The following TET1 variants were observed in gnomAD, a reference collection of about 807,000 sequenced individuals.
TET1 encodes methylcytosine dioxygenase TET1.
In TET1, 13 loss-of-function variants were observed where a neutral mutation model predicts 148.7. That is an observed-to-expected ratio of 0.09 (90% CI 0.06 to 0.14). The LOEUF is 0.14. Ranked by LOEUF, TET1 falls within the 10% of genes least tolerant of loss-of-function variation. The pLI, the probability that TET1 is intolerant of heterozygous loss-of-function variation, is 1.00. For missense variants in TET1, 2,182 were observed against 2,553.8 expected (o/e 0.85, Z 3.14); for synonymous variants, 907 against 937.2 (o/e 0.97, Z 0.59).
At chr10:68,656,048 A>T (rs2055016124) in intron 6 of TET1, among the ~76,000 whole-genome samples, 1 of 152,116 alleles carries the variant, frequency 6.6e-6, no homozygotes, top group African/African-American at 2.4e-5. Context: ...TGAGAATCTG[A>T]TGCTTGATGA....
chr10:68,564,158 T>C (rs1249579677), intron 1 of TET1, among the ~76,000 whole-genome samples: 307 of 149,712 alleles, frequency 2.1e-3, no homozygotes, highest in Non-Finnish European at 2.4e-3. Flanking sequence ...ATTGTTTTCT[T>C]TTTTTTTTTT....
chr10:68,684,825 T>G (rs768969469), intron 10 of TET1, among the ~76,000 whole-genome samples: 1 of 152,238 alleles, frequency 6.6e-6, no homozygotes, highest in Non-Finnish European at 1.5e-5. Flanking sequence ...ATGCTCCTCA[T>G]GTCAACTCCT....
At chr10:68,675,269 A>G (rs1282649471) in intron 8 of TET1, among the ~76,000 whole-genome samples, 2 of 152,232 alleles carry the variant, frequency 1.3e-5, no homozygotes, top group African/African-American at 4.8e-5. Flanking sequence ...AAATAAACTC[A>G]TACTTACTTG....
At chr10:68,595,973 CACACATAT>C (rs2053979446) in intron 2 of TET1, among the ~76,000 whole-genome samples, 2 of 39,722 alleles carry the variant, frequency 5.0e-5, no homozygotes, top group African/African-American at 8.1e-5. Flanking sequence ...CACACACACA[CACACATAT>C]ATACACACAC....
At position 68,573,108 on chromosome 10, in the gene TET1, C is replaced by T. The variant is rs140030732; in HGVS notation, c.770C>T (p.Thr257Ile). The T allele has an allele frequency of 4.2e-4, 684 of 1,614,116 alleles. 2 individuals carry two copies. Among genetic ancestry groups the T allele is most frequent in the Middle Eastern group, 9.9e-4 (6 of 6,062 alleles). ...TGTGCTCCTTTTCCCCAAAGAGCAA[C>T]CCCCAAAGTTACCTCTCAAGGAAAC... ...TVCAPFPQRA[T>I]PKVTSQGNPS... The change falls in exon 2 of 12, where the codon ACC becomes ATC. Residue 257 changes from threonine to isoleucine, a missense_variant. By Grantham distance (89) the Thr-to-Ile change is moderately conservative. This residue lies in a region of TET1 where 665 missense variants were observed against 672.4 expected (regional missense o/e 0.99). Transcript: ENST00000373644.
chr10:68,662,321 T>C (rs2055132924), intron 6 of TET1, among the ~76,000 whole-genome samples: 1 of 152,054 alleles, frequency 6.6e-6, no homozygotes, highest in Non-Finnish European at 1.5e-5. Flanking sequence ...TTGTTAATAG[T>C]CAAAAAAATA....
Position 68,691,294 on chromosome 10 carries a change from C to T in TET1, c.5891C>T (p.Ser1964Phe), listed in dbSNP as rs1343873254. The T allele has an allele frequency of 1.9e-6, 3 of 1,614,076 alleles. No individual in the cohort carries two copies. In the African/African-American group the frequency reaches 4.0e-5, roughly 22 times the overall value. The change falls in exon 12 of 12, where the codon TCT becomes TTT. Residue 1964 changes from serine (S) to phenylalanine (F), a missense_variant. This residue lies in a region of TET1 where 380 missense variants were observed against 387.9 expected (regional missense o/e 0.98). Transcript: ENST00000373644. This position sits in a 1 kb window ranked among gnomAD's most constrained non-coding sequence, Gnocchi z 4.4. ...CCAATGGAAGAAGATGAGCAGCATT[C>T]TGAAGCAGATGAGCCTCCATCAGAC... ...SSPMEEDEQH[S>F]EADEPPSDEP... is the part of the protein sequence containing the mutation.
At chr10:68,684,531 T>C (rs956026406) in intron 10 of TET1, among the ~76,000 whole-genome samples, 13 of 152,184 alleles carry the variant, frequency 8.5e-5, no homozygotes, top group African/African-American at 2.9e-4. Context: ...CAGGACATTT[T>C]ACCTGAATTA....
At chr10:68,640,202 C>T (rs1161437856) in intron 3 of TET1, among the ~76,000 whole-genome samples, 2 of 151,648 alleles carry the variant, frequency 1.3e-5, no homozygotes, top group East Asian at 2.0e-4. Flanking sequence ...GCTGGGATTA[C>T]AGGCGGAAGC....
chr10:68,673,156 A>G, intron 8 of TET1, 111 bp downstream of exon 8: 10 of 750,432 alleles, frequency 1.3e-5, no homozygotes, highest in African/African-American at 1.8e-5. Context: ...ATTGAAAAGT[A>G]GTAATCAAAT....
chr10:68,572,579 C>T lies in TET1; in HGVS notation c.241C>T (p.Arg81Cys), dbSNP rs775380660. 1.7e-5 allele frequency: 27 copies of T among 1,614,032 alleles called. No homozygotes were observed. The highest frequency in any genetic ancestry group is 5.5e-5 in the South Asian group (5 of 91,092). Residue 81 changes from arginine to cysteine, a missense_variant, in exon 2 of 12, where the codon CGC becomes TGC. By Grantham distance (180) the Arg-to-Cys change is radical. This residue lies in a region of TET1 where 665 missense variants were observed against 672.4 expected (regional missense o/e 0.99). Coordinates refer to ENST00000373644, the MANE Select transcript of TET1 (RefSeq NM_030625.3). ...RSLLTRAGAA[R>C]MNLDRTEVLF... ...CCTTCTGACAAGAGCTGGAGCAGCA[C>T]GCATGAATTTGGATAGGACTGAGGT...
chr10:68,682,784 T>A, intron 9 of TET1, 52 bp from the exon 10 acceptor site: 1 of 1,557,896 alleles, frequency 6.4e-7, no homozygotes, highest in South Asian at 1.2e-5. Flanking sequence ...TTACTGAAGG[T>A]AGGTGATTTC....
intron 10 of TET1, 85 bp downstream of exon 10, chr10:68,683,058 T>C: frequency 7.0e-7 from 1 of 1,437,028 alleles, no homozygotes; most frequent in Non-Finnish European, 9.4e-7. Flanking sequence ...TGATGACTAT[T>C]ACTGTGAAAA....
At chr10:68,622,964 T>TGC (rs1469385725) in intron 3 of TET1, among the ~76,000 whole-genome samples, 7 of 152,196 alleles carry the variant, frequency 4.6e-5, no homozygotes, top group African/African-American at 1.7e-4. Context: ...TCAGGTGCCC[T>TGC]GCTGTGTATC....
chr10:68,684,304 C>G (rs1268399334), intron 10 of TET1, among the ~76,000 whole-genome samples: 1 of 151,318 alleles, frequency 6.6e-6, no homozygotes, highest in Non-Finnish European at 1.5e-5. Context: ...ATGATCAGAT[C>G]TATCAACAGG....
intron 1 of TET1, among the ~76,000 whole-genome samples, chr10:68,567,631 A>G (rs570078084): frequency 7.9e-5 from 12 of 151,344 alleles, no homozygotes; most frequent in African/African-American, 2.7e-4. Flanking sequence ...AATTTTTCTC[A>G]GACATTGGGA....
chr10:68,572,913 G>A lies in TET1; in HGVS notation c.575G>A (p.Trp192Ter). 1 of 1,614,040 alleles carries A rather than the reference G, an allele frequency of 6.2e-7. No individual in the cohort carries two copies. The highest frequency in any genetic ancestry group is 2.2e-5 in the East Asian group (1 of 44,882). The change falls in exon 2 of 12, where the codon TGG (tryptophan) becomes TAG (stop). Residue 192 changes from tryptophan (W) to a stop codon, truncating the protein, a stop_gained. Transcript: ENST00000373644. LOFTEE classifies it high-confidence loss of function. ...AAGAGCCAAGAGACAACTCAGTTTT[G>A]GTCCCAAAGAGTTGAGGATTCCAAG... ...KGKSQETTQF[W>*]SQRVEDSKIN...
chr10:68,647,600 T>C (rs2054870168), intron 4 of TET1, among the ~76,000 whole-genome samples: 1 of 146,562 alleles, frequency 6.8e-6, no homozygotes, highest in Non-Finnish European at 1.5e-5. Flanking sequence ...CAAGACCCTG[T>C]CTTAAAAAAA....
chr10:68,687,288 G>C (rs1250936908), intron 11 of TET1, among the ~76,000 whole-genome samples: 1 of 151,856 alleles, frequency 6.6e-6, no homozygotes, highest in East Asian at 1.9e-4. Context: ...GGCTTGGCAC[G>C]CCTTGGCTTA....
Sources: gnomAD v4.1 joint callset for allele counts (sites outside exome capture counted in the v4.1 genomes callset) on GRCh38, gnomAD v4.1.1 for gene constraint, gnomAD v4.1.1 regional missense constraint, Gnocchi (gnomAD v3.1) non-coding constraint, MANE v1.5 for transcripts, NCBI Gene and HGNC (gene_info 2026-07-23, HGNC 2026-07-21) for gene names.